TTC7B: variants seen among roughly 807,000 people sequenced by gnomAD.
The protein encoded by TTC7B is tetratricopeptide repeat domain 7B.
A neutral mutation model predicts 106.8 loss-of-function variants in TTC7B; 28 were observed. The observed-to-expected ratio is 0.26, with a 90% CI of 0.19 to 0.36. TTC7B has a LOEUF of 0.36. Ranked by LOEUF, TTC7B falls within the 10% of genes least tolerant of loss-of-function variation. The pLI is 1.00. For missense variants in TTC7B, 862 were observed against 1,076.4 expected, an observed-to-expected ratio of 0.80 and a Z score of 2.79; for synonymous variants, 405 against 430.6, an observed-to-expected ratio of 0.94 and a Z score of 0.74.
rs573981636 is a variant in TTC7B, at chr14:90,715,974, G to A, written c.698+14101C>T. On this transcript the variant is annotated intron_variant, in intron 5 of 19. Transcript: ENST00000328459. The stretch of plus-strand genomic sequence containing the variant: ...TTCATTATACTGCCTTTCACAGGGT[G>A]ATATAATTATTTGTTGTGTTAAAGA... Among the ~76,000 whole-genome samples the A allele has an allele frequency of 6.8e-4, 103 of 152,262 alleles. 1 individual carries two copies. Among genetic ancestry groups the A allele is most frequent in the African/African-American group, 2.3e-3 (97 of 41,542 alleles).
intron 3 of TTC7B, among the ~76,000 whole-genome samples, chr14:90,766,359 AAAG>A (rs1486766981): frequency 6.6e-6 from 1 of 152,226 alleles, no homozygotes; most frequent in Non-Finnish European, 1.5e-5. Context: ...TCTACCAGAC[AAAG>A]AAACACCCAT....
intron 19 of TTC7B, among the ~76,000 whole-genome samples, chr14:90,560,491 G>A (rs927922488): frequency 6.6e-6 from 1 of 152,218 alleles, no homozygotes; most frequent in Admixed American, 6.5e-5. Context: ...TGGTTGAGGG[G>A]AGCAACACAA....
At chr14:90,707,323 C>A (rs1024506287) in intron 5 of TTC7B, among the ~76,000 whole-genome samples, 1 of 152,326 alleles carries the variant, frequency 6.6e-6, no homozygotes, top group East Asian at 1.9e-4. Context: ...TTCCCCATCT[C>A]TCTCCCTTTC....
Position 90,527,507 on chromosome 14 carries a change from CTTT to C in TTC7B, c.*13858_*13860del, listed in dbSNP as rs1228377440. On this transcript the variant is annotated 3_prime_UTR_variant, in exon 20 of 20. Transcript: ENST00000328459. ...TCAGGGATCACTTAGTCAAAACCTT[CTTT>C]ACCATTTTTACAGACAAGGAAACTG... 1 of 151,722 alleles carries C rather than the reference CTTT, an allele frequency of 6.6e-6. No homozygotes were observed. The highest frequency in any genetic ancestry group is 1.5e-5 in the Non-Finnish European group (1 of 67,970). The allele number at this position is 151,722 out of a possible 1,614,324, so 9.4% of individuals were successfully genotyped here. A position where few individuals can be genotyped will look rare whatever the true frequency, so the allele number is the denominator to read the frequency against.
intron 6 of TTC7B, among the ~76,000 whole-genome samples, chr14:90,694,338 G>A (rs1887590154): frequency 6.6e-6 from 1 of 152,116 alleles, no homozygotes; most frequent in African/African-American, 2.4e-5. Flanking sequence ...TGGTTGCCAG[G>A]GACTAGGGGG....
intron 3 of TTC7B, among the ~76,000 whole-genome samples, chr14:90,780,221 A>G (rs1292288499): frequency 6.6e-6 from 1 of 151,942 alleles, no homozygotes; most frequent in Non-Finnish European, 1.5e-5. Flanking sequence ...CTCTCTACTA[A>G]AAATACAAAA....
intron 1 of TTC7B, among the ~76,000 whole-genome samples, chr14:90,798,219 A>G (rs2030000516): frequency 6.6e-6 from 1 of 152,210 alleles, no homozygotes; most frequent in African/African-American, 2.4e-5. Flanking sequence ...CATAAGCGTA[A>G]GAGAGCCCAG....
chr14:90,763,131 C>A (rs768079569), intron 3 of TTC7B, among the ~76,000 whole-genome samples: 15 of 152,150 alleles, frequency 9.9e-5, no homozygotes, highest in Non-Finnish European at 1.0e-4. Flanking sequence ...GTATTAAAAT[C>A]CCCTACAAAA....
rs960324060 is a variant in TTC7B at position 90,527,169 on chromosome 14, T to C, written c.*14199A>G. The C allele has an allele frequency of 3.9e-5, 6 of 151,956 alleles. No individual in the cohort carries two copies. The highest frequency in any genetic ancestry group is 8.8e-5 in the Non-Finnish European group (6 of 67,978). 9.4% of individuals were successfully genotyped at this position (151,956 alleles called of 1,614,324 possible). On this transcript the variant is annotated 3_prime_UTR_variant, in exon 20 of 20. Transcript: ENST00000328459. Reference sequence around the variant, plus strand: ...GGTGCCCTGCTCACCCCATCATATCTGGGGGTACCTGGTATTCACACGACT... The same window carrying C: ...GGTGCCCTGCTCACCCCATCATATCCGGGGGTACCTGGTATTCACACGACT...
chr14:90,614,494 G>A (rs1002833208), intron 16 of TTC7B, among the ~76,000 whole-genome samples: 1 of 152,238 alleles, frequency 6.6e-6, no homozygotes, highest in Non-Finnish European at 1.5e-5. Flanking sequence ...ACATGATGGA[G>A]ATGGGTCTAG....
intron 2 of TTC7B, 120 bp from the exon 3 acceptor site, chr14:90,781,026 T>C (rs2140036278): frequency 1.2e-6 from 1 of 851,312 alleles, no homozygotes; most frequent in East Asian, 2.6e-5. Context: ...AGCTTGGACG[T>C]GAATGTTCTG....
chr14:90,809,742 AC>A (rs2030794050), intron 1 of TTC7B, among the ~76,000 whole-genome samples: 1 of 152,150 alleles, frequency 6.6e-6, no homozygotes, highest in South Asian at 2.1e-4. Context: ...TGTGAGCCCA[AC>A]TCCATGTCAT....
Position 90,816,248 on chromosome 14 carries a change from G to A in TTC7B, c.48C>T (p.Arg16=). Reference sequence around the variant, plus strand: ...GCTCCCACTGGCACTCGGAGCGGCAGCGCTCGATCTCCGTCTCCAGCCGCG... The same window carrying A: ...GCTCCCACTGGCACTCGGAGCGGCAACGCTCGATCTCCGTCTCCAGCCGCG... The part of the protein sequence containing the change: ...AGSRLETEIE[R]CRSECQWERI... Residue 16 remains arginine, a synonymous_variant, in exon 1 of 20, where the codon CGC becomes CGT. Coordinates refer to ENST00000328459, the MANE Select transcript of TTC7B (RefSeq NM_001010854.2). 7.9e-7 allele frequency: 1 copy of A among 1,258,994 alleles called. No homozygotes were observed. The highest frequency in any genetic ancestry group is 1.6e-5 in the African/African-American group (1 of 62,622). The allele number at this position is 1,258,994 out of a possible 1,614,324, so 78.0% of individuals were successfully genotyped here.
intron 8 of TTC7B, among the ~76,000 whole-genome samples, chr14:90,679,633 G>T (rs1886972643): frequency 6.6e-6 from 1 of 152,134 alleles, no homozygotes. Context: ...CGAGGGAAGG[G>T]GACGCGAGCC....
chr14:90,803,483 C>G (rs1292109041), intron 1 of TTC7B, among the ~76,000 whole-genome samples: 2 of 152,216 alleles, frequency 1.3e-5, no homozygotes, highest in Admixed American at 1.3e-4. Context: ...TCGGACCTTC[C>G]CATTCCCACT....
At chr14:90,764,376 G>A (rs1246241928) in intron 3 of TTC7B, among the ~76,000 whole-genome samples, 1 of 151,710 alleles carries the variant, frequency 6.6e-6, no homozygotes, top group Non-Finnish European at 1.5e-5. Context: ...AATCACAAGA[G>A]TAAATCTTCA....
intron 4 of TTC7B, among the ~76,000 whole-genome samples, chr14:90,734,203 G>A (rs940897614): frequency 3.3e-5 from 5 of 152,046 alleles, no homozygotes; most frequent in Non-Finnish European, 5.9e-5. Flanking sequence ...TGGATTCCTC[G>A]AGCTCAGGAG....
chr14:90,702,629 G>GA (rs1406034317), intron 5 of TTC7B, among the ~76,000 whole-genome samples: 1 of 152,068 alleles, frequency 6.6e-6, no homozygotes, highest in East Asian at 1.9e-4. Context: ...AATTTTGAAG[G>GA]AAAAAAGATA....
intron 4 of TTC7B, among the ~76,000 whole-genome samples, chr14:90,731,539 G>A (rs774962459): frequency 3.9e-5 from 6 of 152,154 alleles, no homozygotes; most frequent in Non-Finnish European, 8.8e-5. Flanking sequence ...AAACCCAGGT[G>A]GGCAACCCTT....
Sources: gnomAD v4.1 joint callset for allele counts (sites outside exome capture counted in the v4.1 genomes callset) on GRCh38, gnomAD v4.1.1 for gene constraint, MANE v1.5 for transcripts, NCBI Gene and HGNC (gene_info 2026-07-23, HGNC 2026-07-21) for gene names.